CRB2: variants seen among roughly 807,000 people sequenced by gnomAD.
CRB2 encodes crumbs cell polarity complex component 2, also known as protein crumbs homolog 2.
CRB2 carries 85 observed loss-of-function variants against 110.9 expected under a neutral mutation model. The observed-to-expected ratio is 0.77, with a 90% CI of 0.64 to 0.92. The LOEUF is 0.92. Ranked by LOEUF, CRB2 falls within the 40% of genes least tolerant of loss-of-function variation. The pLI is 0.00. For missense variants in CRB2, 1,843 were observed against 1,851.3 expected, an observed-to-expected ratio of 1.00 and a Z score of 0.08; for synonymous variants, 907 against 831.0, an observed-to-expected ratio of 1.09 and a Z score of -1.57.
At chr9:123,354,804 T>C (rs10818811), upstream of CRB2, among the ~76,000 whole-genome samples, 54,795 of 152,008 alleles carry the variant, frequency 0.36, 11,261 homozygotes, top group Non-Finnish European at 0.47. Context: ...CCTTTTTGGG[T>C]TCCCTCCTTT....
intron 1 of CRB2, among the ~76,000 whole-genome samples, chr9:123,357,571 T>C (rs1008552229): frequency 6.6e-6 from 1 of 150,732 alleles, no homozygotes; most frequent in African/African-American, 2.4e-5. Flanking sequence ...CGGGGACTTA[T>C]GAGCTGGGCT....
rs998165678 is a variant in CRB2, at chr9:123,373,388, G to A, written c.2857G>A (p.Asp953Asn). Reference sequence around the variant, plus strand: ...GCCCATACCGGGGCCGCGCGTGGCCGATGGTGCCTGGCACCGCGTGCGTCT... The same window carrying A: ...GCCCATACCGGGGCCGCGCGTGGCCAATGGTGCCTGGCACCGCGTGCGTCT... ...VLPIPGPRVA[D>N]GAWHRVRLAM... Residue 953 changes from aspartate (D) to asparagine (N), a missense_variant, in exon 10 of 13, where the codon GAT becomes AAT. Transcript: ENST00000373631. The A allele has an allele frequency of 2.8e-6, 4 of 1,435,260 alleles. No individual in the cohort carries two copies. The highest frequency in any genetic ancestry group is 1.5e-5 in the African/African-American group (1 of 66,872). The allele number at this position is 1,435,260 out of a possible 1,614,324, so 88.9% of individuals were successfully genotyped here.
chr9:123,375,331 C>T lies in CRB2; in HGVS notation c.3621C>T (p.Phe1207=), dbSNP rs1190159221. 2 of 1,596,686 alleles carry T rather than the reference C, an allele frequency of 1.3e-6. No homozygotes were observed. The highest frequency in any genetic ancestry group is 1.1e-5 in the South Asian group (1 of 87,946). ...GCAATGCCAGATTCTCCGGCCAGTT[C>T]TGTGAAGTGGCGGTGAGTGTTGTCA... ...CICNARFSGQ[F]CEVAKGLPLP... The change falls in exon 12 of 13, where the codon TTC becomes TTT. Residue 1207 remains phenylalanine (F), a synonymous_variant. Transcript: ENST00000373631.
intron 1 of CRB2, among the ~76,000 whole-genome samples, chr9:123,361,142 G>T (rs866799610): frequency 6.6e-6 from 1 of 150,458 alleles, no homozygotes; most frequent in East Asian, 2.0e-4. Flanking sequence ...CGGGGAGGGG[G>T]GGGGGTTCCT....
chr9:123,370,730 A>G lies in CRB2; in HGVS notation c.1677A>G (p.Ala559=). The change falls in exon 7 of 13, where the codon GCA becomes GCG. Residue 559 remains alanine, a synonymous_variant. Transcript: ENST00000373631. ...GPVALASTAS[A]TPLPAGISSA... ...TGGCCCTGGCTTCCACGGCTTCGGC[A>G]ACTCCGCTGCCTGCCGGGATCTCCT... 2 of 1,603,374 alleles carry G rather than the reference A, an allele frequency of 1.2e-6. No individual in the cohort carries two copies. The highest frequency in any genetic ancestry group is 1.7e-6 in the Non-Finnish European group (2 of 1,179,812).
Position 123,373,565 on chromosome 9 carries a change from G to T in CRB2, c.3034G>T (p.Gly1012Cys). The T allele has an allele frequency of 1.4e-6, 2 of 1,468,304 alleles. No individual in the cohort carries two copies. The highest frequency in any genetic ancestry group is 1.8e-6 in the Non-Finnish European group (2 of 1,113,166). 91.0% of individuals were successfully genotyped at this position (1,468,304 alleles called of 1,614,324 possible). Residue 1012 changes from glycine to cysteine, a missense_variant, in exon 10 of 13, where the codon GGC becomes TGC. Transcript: ENST00000373631. ...CATCCTGCTGGCTGAGAACTTCACC[G>T]GCTGCTTGGGCCGCGTGGCGCTGGG... ...VRILLAENFTGCLGRVALGGL... is the reference protein window; with the variant it reads ...VRILLAENFTCCLGRVALGGL...
chr9:123,365,773 C>T, intron 2 of CRB2, 144 bp from the exon 3 acceptor site: 2 of 735,246 alleles, frequency 2.7e-6, no homozygotes, highest in Non-Finnish European at 4.1e-6. Context: ...TGACCCGTCC[C>T]CCACCCCCCA....
chr9:123,373,156 C>T lies in CRB2; in HGVS notation c.2625C>T (p.Arg875=), dbSNP rs572067731. ...CAGGTGTGGCGGAGGCCACGTTCCG[C>T]GAGGGTCCCCCCGCCGCGTTCAGCG... ...GFVCVAEATF[R]EGPPAAFSGH... is the part of the protein sequence containing the mutation. The change falls in exon 10 of 13, where the codon CGC becomes CGT. Residue 875 remains arginine, a synonymous_variant. Coordinates refer to ENST00000373631, the MANE Select transcript of CRB2 (RefSeq NM_173689.7). 2.6e-6 allele frequency: 4 copies of T among 1,511,084 alleles called. No individual in the cohort carries two copies. Among genetic ancestry groups the T allele is most frequent in the East Asian group, 2.7e-5 (1 of 36,790 alleles). The allele number at this position is 1,511,084 out of a possible 1,614,324, so 93.6% of individuals were successfully genotyped here. A position where few individuals can be genotyped will look rare whatever the true frequency, so the allele number is the denominator to read the frequency against.
rs12342024 is a variant in CRB2 at position 123,371,953 on chromosome 9, G to T, written c.2437-224G>T. Among the ~76,000 whole-genome samples the T allele has an allele frequency of 0.14, 21,654 of 152,122 alleles. 1,688 individuals are homozygous for T. The highest frequency in any genetic ancestry group is 0.2 in the Admixed American group (3,032 of 15,286). On this transcript the variant is annotated intron_variant, in intron 8 of 12. Transcript: ENST00000373631. Reference sequence around the variant, plus strand: ...TAGAACAGCTTGGGCATGAATTCTGGTTCCTCTCTTTACTGGCTGGGTGAC... The same window carrying T: ...TAGAACAGCTTGGGCATGAATTCTGTTTCCTCTCTTTACTGGCTGGGTGAC...
At chr9:123,357,264 C>T (rs985896995) in intron 1 of CRB2, among the ~76,000 whole-genome samples, 2 of 152,040 alleles carry the variant, frequency 1.3e-5, no homozygotes, top group South Asian at 2.1e-4. Context: ...TCCAAGGGAA[C>T]GCTTGGTGTT....
At position 123,367,582 on chromosome 9, in the gene CRB2, G is replaced by A. The variant is rs1171753486; in HGVS notation, c.950G>A (p.Cys317Tyr). 6.4e-7 allele frequency: 1 copy of A among 1,557,568 alleles called. No individual in the cohort carries two copies. The highest frequency in any genetic ancestry group is 2.4e-5 in the East Asian group (1 of 41,306). ...GCTGGGCCTCTTACAGGAGCCGACTGCGGTGTGGAGGTGGACGAGTGTGCC... is the reference window on the plus strand; with the variant it reads ...GCTGGGCCTCTTACAGGAGCCGACTACGGTGTGGAGGTGGACGAGTGTGCC... ...HCPPGFEGAD[C>Y]GVEVDECASR... is the part of the protein sequence containing the mutation. Residue 317 changes from cysteine to tyrosine, a missense_variant, in exon 6 of 13, where the codon TGC becomes TAC. Transcript: ENST00000373631.
intron 1 of CRB2, 148 bp downstream of exon 1, chr9:123,356,502 G>A: frequency 2.1e-6 from 1 of 478,350 alleles, no homozygotes; most frequent in South Asian, 6.0e-5. Flanking sequence ...GCGCGGCTGT[G>A]GCCCCCAGAC....
At chr9:123,374,065 T>G (rs1291620474) in intron 10 of CRB2, 145 bp downstream of exon 10, 1 of 1,078,002 alleles carries the variant, frequency 9.3e-7, no homozygotes, top group South Asian at 1.3e-5. Context: ...CAGTTTAATT[T>G]GATAAATTTC....
Position 123,366,110 on chromosome 9 carries a change from C to A in CRB2, c.612C>A (p.Asn204Lys), listed in dbSNP as rs570941986. 6.8e-7 allele frequency: 1 copy of A among 1,462,584 alleles called. No homozygotes were observed. Among genetic ancestry groups the A allele is most frequent in the Admixed American group, 2.5e-5 (1 of 39,812 alleles). The allele number at this position is 1,462,584 out of a possible 1,614,324, so 90.6% of individuals were successfully genotyped here. ...AHGGTCHDLV[N>K]GFRCDCAGTG... ...GGGGCACGTGCCACGACCTGGTCAA[C>A]GGGTGAGCGAGCGGCGGGGCAGGCG... Residue 204 changes from asparagine to lysine, a missense_variant and splice_region_variant, in exon 3 of 13, where the codon AAC (asparagine) becomes AAA (lysine). Transcript: ENST00000373631.
At chr9:123,379,067 A>G (rs117282176), downstream of CRB2, among the ~76,000 whole-genome samples, 74 of 151,410 alleles carry the variant, frequency 4.9e-4, 1 homozygote, top group East Asian at 0.012. Flanking sequence ...TTGGGATTAT[A>G]GGTGTGGGAT....
At chr9:123,357,587 G>A (rs1303198273) in intron 1 of CRB2, among the ~76,000 whole-genome samples, 1 of 152,096 alleles carries the variant, frequency 6.6e-6, no homozygotes, top group African/African-American at 2.4e-5. Flanking sequence ...GGGCTCTGCT[G>A]GCAGGCGACT....
In CRB2 at chr9:123,373,336, A is replaced by G. The variant is rs1331828257; in HGVS notation, c.2805A>G (p.Gly935=). ...GCTCGCTGGCGGGGGGCGTGCGCGG[A>G]GGCCATGGCCTGCCCGGCGCTGTGC... The part of the protein sequence containing the change: ...RNGSLAGGVR[G]GHGLPGAVLP... Residue 935 remains glycine (G), a synonymous_variant, in exon 10 of 13, where the codon GGA becomes GGG. Coordinates refer to ENST00000373631, the MANE Select transcript of CRB2 (RefSeq NM_173689.7). 1 of 1,442,148 alleles carries G rather than the reference A, an allele frequency of 6.9e-7. No individual in the cohort carries two copies. The allele number at this position is 1,442,148 out of a possible 1,614,324, so 89.3% of individuals were successfully genotyped here.
chr9:123,374,067 A>T, intron 10 of CRB2, 147 bp downstream of exon 10: 1 of 1,057,390 alleles, frequency 9.5e-7, no homozygotes, highest in Non-Finnish European at 1.4e-6. Flanking sequence ...GTTTAATTTG[A>T]TAAATTTCCT....
chr9:123,371,001 G>A lies in CRB2; in HGVS notation c.1927+21G>A, dbSNP rs761843181. 3.1e-6 allele frequency: 5 copies of A among 1,596,506 alleles called. No individual in the cohort carries two copies. The Admixed American group carries it at 8.5e-5, about 27-fold the overall frequency. ...TGATGGTGAGGAATAAGCCAGGTGG[G>A]AAGGCAGCACCTGAGATCTGCCTCC... On this transcript the variant is annotated intron_variant, in intron 7 of 12. Transcript: ENST00000373631.
Sources: allele counts gnomAD v4.1 joint callset (sites outside exome capture counted in the v4.1 genomes callset), GRCh38; gene constraint gnomAD v4.1.1; transcripts MANE v1.5; gene names NCBI Gene and HGNC (gene_info 2026-07-23, HGNC 2026-07-21).